CSRNP3: variants seen among roughly 807,000 people sequenced by gnomAD.
CSRNP3 encodes cysteine/serine-rich nuclear protein 3.
Under a neutral mutation model 48.0 loss-of-function variants are expected in CSRNP3, and 12 were observed. The ratio of observed to expected loss-of-function variants is 0.25; its 90% CI spans 0.16 to 0.41. CSRNP3 has a LOEUF of 0.41. Among genes scored for constraint, CSRNP3 ranks in the 10% least tolerant of loss-of-function variants. The pLI is 1.00. For synonymous variants in CSRNP3, 263 were observed against 269.7 expected (o/e 0.98, Z 0.24); for missense variants, 580 against 724.4 (o/e 0.80, Z 2.29).
At position 165,603,106 on chromosome 2, in the gene CSRNP3, A is replaced by G. The variant is rs536804101; in HGVS notation, c.148+7893A>G. Among the ~76,000 whole-genome samples, 8 of 152,108 alleles carry G rather than the reference A, an allele frequency of 5.3e-5. No homozygotes were observed. The South Asian group carries it at 8.3e-4, about 16-fold the overall frequency. On this transcript the variant is annotated intron_variant, in intron 4 of 6. Transcript: ENST00000651982. ...GAGACGGGGCTTCACCGTGTTAGCC[A>G]GGATGGTCTTGATCTCCTGACCTCA... is the stretch of plus-strand genomic sequence containing the variant.
At chr2:165,546,394 T>C (rs968475907) in intron 3 of CSRNP3, among the ~76,000 whole-genome samples, 1 of 152,234 alleles carries the variant, frequency 6.6e-6, no homozygotes. Context: ...GGTTTCACCA[T>C]GTTGGCCAGG....
intron 2 of CSRNP3, among the ~76,000 whole-genome samples, chr2:165,513,150 C>T (rs1483247764): frequency 6.6e-6 from 1 of 152,114 alleles, no homozygotes; most frequent in Non-Finnish European, 1.5e-5. Context: ...AGATTGCTGT[C>T]TCCTGCTAGA....
chr2:165,517,563 T>C (rs941906323), intron 2 of CSRNP3, among the ~76,000 whole-genome samples: 6 of 151,946 alleles, frequency 3.9e-5, no homozygotes, highest in Admixed American at 2.0e-4. Context: ...TCTAGTGTAA[T>C]GCTGGTTAAT....
At chr2:165,663,004 A>G (rs1221369915) in intron 5 of CSRNP3, among the ~76,000 whole-genome samples, 6 of 152,174 alleles carry the variant, frequency 3.9e-5, no homozygotes, top group Admixed American at 3.3e-4. Flanking sequence ...AAAACTCTAC[A>G]TAAATTTTTT....
intron 3 of CSRNP3, among the ~76,000 whole-genome samples, chr2:165,550,248 A>G (rs1343045448): frequency 6.6e-6 from 1 of 152,222 alleles, no homozygotes; most frequent in African/African-American, 2.4e-5. Flanking sequence ...ATGGGTGCCA[A>G]ATGAAAAGAG....
intron 3 of CSRNP3, among the ~76,000 whole-genome samples, chr2:165,534,034 G>A (rs1296763357): frequency 6.6e-6 from 1 of 151,880 alleles, no homozygotes; most frequent in African/African-American, 2.4e-5. Flanking sequence ...AAATTTTGAA[G>A]CAAAAGTAAA....
At chr2:165,502,075 G>A (rs1684366005) in intron 2 of CSRNP3, among the ~76,000 whole-genome samples, 1 of 151,950 alleles carries the variant, frequency 6.6e-6, no homozygotes, top group African/African-American at 2.4e-5. Flanking sequence ...TTAGCTTTGA[G>A]GATGATTTTT....
intron 4 of CSRNP3, among the ~76,000 whole-genome samples, chr2:165,595,533 A>C (rs1685795653): frequency 6.6e-6 from 1 of 151,456 alleles, no homozygotes; most frequent in Admixed American, 6.6e-5. Flanking sequence ...ATCCAGTTTC[A>C]AAAAAAAAGT....
chr2:165,658,327 T>A (rs994475152), intron 5 of CSRNP3, among the ~76,000 whole-genome samples: 10 of 152,144 alleles, frequency 6.6e-5, no homozygotes, highest in Non-Finnish European at 4.4e-5. Flanking sequence ...CTATAGGAAC[T>A]TATAGAATAG....
chr2:165,639,272 T>G (rs1286433935), intron 4 of CSRNP3, among the ~76,000 whole-genome samples: 1 of 152,138 alleles, frequency 6.6e-6, no homozygotes. Flanking sequence ...GGACATTTGT[T>G]TACAGTAGGA....
chr2:165,481,015 G>T (rs1684034396), intron 1 of CSRNP3, among the ~76,000 whole-genome samples: 1 of 151,134 alleles, frequency 6.6e-6, no homozygotes, highest in South Asian at 2.1e-4. Flanking sequence ...AAATAAAAAA[G>T]GAAATGCTAA....
intron 3 of CSRNP3, among the ~76,000 whole-genome samples, chr2:165,583,279 TAAATGTTC>T (rs1377426559): frequency 1.3e-5 from 2 of 152,356 alleles, no homozygotes; most frequent in East Asian, 3.9e-4. Context: ...TATGAAGTGA[TAAATGTTC>T]AAGGCACTTT....
At chr2:165,518,798 G>T (rs1684613324) in intron 3 of CSRNP3, among the ~76,000 whole-genome samples, 1 of 151,870 alleles carries the variant, frequency 6.6e-6, no homozygotes, top group African/African-American at 2.4e-5. Context: ...ATTCTTCCAA[G>T]GGTTTATTCA....
At chr2:165,511,069 A>G (rs1021785096) in intron 2 of CSRNP3, among the ~76,000 whole-genome samples, 3 of 152,196 alleles carry the variant, frequency 2.0e-5, no homozygotes, top group African/African-American at 7.2e-5. Context: ...ACATCAAGAA[A>G]GGAAAAGTGA....
chr2:165,532,217 G>A (rs1022302951), intron 3 of CSRNP3, among the ~76,000 whole-genome samples: 9 of 152,280 alleles, frequency 5.9e-5, no homozygotes, highest in Middle Eastern at 3.4e-3. Context: ...TATGAGGCCA[G>A]CATCATCCTG....
intron 6 of CSRNP3, among the ~76,000 whole-genome samples, chr2:165,677,746 C>T (rs1420404669): frequency 6.6e-6 from 1 of 152,078 alleles, no homozygotes; most frequent in African/African-American, 2.4e-5. Flanking sequence ...TTTTCTCTTG[C>T]CTATACTCTG....
chr2:165,532,075 C>G (rs1446924045), intron 3 of CSRNP3, among the ~76,000 whole-genome samples: 1 of 152,102 alleles, frequency 6.6e-6, no homozygotes, highest in African/African-American at 2.4e-5. Flanking sequence ...CAATAGCTTA[C>G]CAACCAAAAA....
chr2:165,654,777 G>A (rs570670117), intron 4 of CSRNP3, among the ~76,000 whole-genome samples: 1 of 152,228 alleles, frequency 6.6e-6, no homozygotes, highest in South Asian at 2.1e-4. Context: ...TTGCAGGCGT[G>A]AGCCACCCTG....
chr2:165,539,384 CT>C lies in CSRNP3; in HGVS notation c.-24+21427del, dbSNP rs557352701. ...TTCTTCCCAGTCATATACACACCTA[CT>C]TTTCCCCTCACGCCAGAATGAGCTG... On this transcript the variant is annotated intron_variant, in intron 3 of 6. Transcript: ENST00000651982. 2.2e-3 allele frequency among the ~76,000 whole-genome samples: 330 copies of C among 152,082 alleles called. 3 individuals carry two copies. The highest frequency in any genetic ancestry group is 7.0e-3 in the African/African-American group (289 of 41,534).
Sources: allele counts gnomAD v4.1 joint callset (sites outside exome capture counted in the v4.1 genomes callset), GRCh38; gene constraint gnomAD v4.1.1; transcripts MANE v1.5; gene names NCBI Gene and HGNC (gene_info 2026-07-23, HGNC 2026-07-21).